Variants in SLC44A5 observed in about 807,000 individuals in gnomAD.
The protein encoded by SLC44A5 is choline transporter-like protein 5.
SLC44A5 carries 57 observed loss-of-function variants against 101.8 expected under a neutral mutation model. The ratio of observed to expected loss-of-function variants is 0.56; its 90% CI spans 0.45 to 0.70. The LOEUF (loss-of-function observed/expected upper bound fraction) is 0.70. Ranked by LOEUF, SLC44A5 falls within the 30% of genes least tolerant of loss-of-function variation. The pLI is 0.00. For synonymous variants in SLC44A5, 281 were observed against 290.9 expected, an observed-to-expected ratio of 0.97 and a Z score of 0.35; for missense variants, 737 against 853.1, an observed-to-expected ratio of 0.86 and a Z score of 1.70.
chr1:75,321,517 C>T (rs1656146767), intron 4 of SLC44A5, among the ~76,000 whole-genome samples: 1 of 151,988 alleles, frequency 6.6e-6, no homozygotes, highest in Admixed American at 6.6e-5. Flanking sequence ...GGGCACTAAT[C>T]CCATTCCTGA....
chr1:75,663,641 T>A, the SLC44A5 span, among the ~76,000 whole-genome samples: 1 of 152,028 alleles, frequency 6.6e-6, no homozygotes, highest in African/African-American at 2.4e-5. Flanking sequence ...CAAAATTAAA[T>A]CAGTAATAAA....
Position 75,253,572 on chromosome 1 carries a change from C to T in SLC44A5, c.261-2278G>A, listed in dbSNP as rs1291295308. On this transcript the variant is annotated intron_variant, in intron 6 of 23. Transcript: ENST00000370859. ...AGTGCTAACTTGGCTATTTCACCACCCAGTCAACTACATCATCCACACAGT... is the reference window on the plus strand; with the variant it reads ...AGTGCTAACTTGGCTATTTCACCACTCAGTCAACTACATCATCCACACAGT... Among the ~76,000 whole-genome samples, 13 of 152,254 alleles carry T rather than the reference C, an allele frequency of 8.5e-5. No homozygotes were observed. In the East Asian group the frequency reaches 2.5e-3, roughly 29 times the overall value.
At chr1:75,590,068 G>A (rs1478121429) in intron 1 of SLC44A5, among the ~76,000 whole-genome samples, 2 of 152,110 alleles carry the variant, frequency 1.3e-5, no homozygotes, top group East Asian at 3.9e-4. Flanking sequence ...GGGGGCACAC[G>A]ACGTACTGAG....
the SLC44A5 span, among the ~76,000 whole-genome samples, chr1:75,664,611 G>A: frequency 6.6e-6 from 1 of 152,064 alleles, no homozygotes; most frequent in Admixed American, 6.6e-5. Flanking sequence ...CCAAGGAGGT[G>A]AAAGATTTCT....
At chr1:75,684,477 G>A in the SLC44A5 span, among the ~76,000 whole-genome samples, 3 of 152,184 alleles carry the variant, frequency 2.0e-5, no homozygotes, top group Middle Eastern at 3.4e-3. Flanking sequence ...AAGCAAGTTA[G>A]TTATTTCCTA....
chr1:75,479,649 A>T (rs1033427990), intron 2 of SLC44A5, among the ~76,000 whole-genome samples: 1 of 152,282 alleles, frequency 6.6e-6, no homozygotes, highest in African/African-American at 2.4e-5. Flanking sequence ...TAGAAAATCT[A>T]GAAGAAATGG....
intron 1 of SLC44A5, among the ~76,000 whole-genome samples, chr1:75,562,673 T>A (rs935275957): frequency 1.3e-5 from 2 of 152,080 alleles, no homozygotes; most frequent in African/African-American, 2.4e-5. Flanking sequence ...GGTAACAGAG[T>A]GAGACGACTC....
intron 4 of SLC44A5, among the ~76,000 whole-genome samples, chr1:75,309,734 A>G (rs1050641749): frequency 1.3e-5 from 2 of 152,240 alleles, no homozygotes; most frequent in Non-Finnish European, 2.9e-5. Context: ...GGCATTCGGT[A>G]CATACCTATT....
intron 5 of SLC44A5, among the ~76,000 whole-genome samples, chr1:75,294,670 A>G (rs947478918): frequency 2.0e-5 from 3 of 152,174 alleles, no homozygotes; most frequent in Non-Finnish European, 4.4e-5. Context: ...ATACACATAT[A>G]CACACAAAAT....
rs1477784947 is a variant in SLC44A5, at chr1:75,214,588, G to A, written c.1802+17C>T. ...TCACTACATTGTTAAATTACATTGTGCAGCCTGATTACTTACTTCAAAACA... is the reference window on the plus strand; with the variant it reads ...TCACTACATTGTTAAATTACATTGTACAGCCTGATTACTTACTTCAAAACA... On this transcript the variant is annotated intron_variant, in intron 20 of 23. Transcript: ENST00000370859. The A allele has an allele frequency of 1.2e-6, 2 of 1,604,536 alleles. No individual in the cohort carries two copies. The highest frequency in any genetic ancestry group is 1.7e-6 in the Non-Finnish European group (2 of 1,172,788).
At chr1:75,245,552 A>G (rs1200354860) in intron 7 of SLC44A5, among the ~76,000 whole-genome samples, 1 of 152,132 alleles carries the variant, frequency 6.6e-6, no homozygotes, top group Non-Finnish European at 1.5e-5. Context: ...TGGATTTATA[A>G]GTGAGTACTG....
chr1:75,290,104 T>G (rs1653411644), intron 5 of SLC44A5, among the ~76,000 whole-genome samples: 1 of 152,220 alleles, frequency 6.6e-6, no homozygotes, highest in Non-Finnish European at 1.5e-5. Flanking sequence ...TAACATGGAC[T>G]TGTACTCACA....
chr1:75,396,543 T>C lies in SLC44A5; in HGVS notation c.52+40A>G, dbSNP rs765618190. On this transcript the variant is annotated intron_variant, in intron 3 of 23. Transcript: ENST00000370859. ...ATATTTCTCAATGGATAGACTGTCATGAAAGATTCTTAGCACTTAATACTC... is the reference window on the plus strand; with the variant it reads ...ATATTTCTCAATGGATAGACTGTCACGAAAGATTCTTAGCACTTAATACTC... 7 of 1,491,300 alleles carry C rather than the reference T, an allele frequency of 4.7e-6. No homozygotes were observed. In the South Asian group the frequency reaches 6.8e-5, roughly 14 times the overall value. The allele number at this position is 1,491,300 out of a possible 1,614,324, so 92.4% of individuals were successfully genotyped here.
the SLC44A5 span, among the ~76,000 whole-genome samples, chr1:75,695,047 A>G: frequency 6.6e-6 from 1 of 152,174 alleles, no homozygotes; most frequent in Admixed American, 6.5e-5. Flanking sequence ...ATCAGACAGA[A>G]CTATTACAAG....
chr1:75,353,588 G>A (rs931238045), intron 3 of SLC44A5, among the ~76,000 whole-genome samples: 3 of 152,134 alleles, frequency 2.0e-5, no homozygotes, highest in Non-Finnish European at 4.4e-5. Flanking sequence ...AAAATTATTT[G>A]TTCTGCTACT....
At chr1:75,299,617 C>T (rs1259215548) in intron 5 of SLC44A5, among the ~76,000 whole-genome samples, 1 of 152,074 alleles carries the variant, frequency 6.6e-6, no homozygotes, top group African/African-American at 2.4e-5. Context: ...GGGACAGAAC[C>T]TATGTCTCTG....
At chr1:75,347,591 T>C (rs772876695) in intron 3 of SLC44A5, among the ~76,000 whole-genome samples, 29 of 152,112 alleles carry the variant, frequency 1.9e-4, no homozygotes, top group Middle Eastern at 3.4e-3. Context: ...ATACAACCTA[T>C]TGTATTATCC....
intron 2 of SLC44A5, among the ~76,000 whole-genome samples, chr1:75,406,962 A>G (rs773860581): frequency 2.6e-5 from 4 of 152,160 alleles, no homozygotes; most frequent in Non-Finnish European, 5.9e-5. Flanking sequence ...AGAAAACCCT[A>G]TCGCCTCAGC....
chr1:75,666,826 T>A, the SLC44A5 span, among the ~76,000 whole-genome samples: 1 of 152,110 alleles, frequency 6.6e-6, no homozygotes, highest in African/African-American at 2.4e-5. Context: ...ACAGAACCCA[T>A]GACAGAAACC....
Sources: gnomAD v4.1 joint callset for allele counts (sites outside exome capture counted in the v4.1 genomes callset) on GRCh38, gnomAD v4.1.1 for gene constraint, MANE v1.5 for transcripts, NCBI Gene and HGNC (gene_info 2026-07-23, HGNC 2026-07-21) for gene names.